MOK: variants seen among roughly 807,000 people sequenced by gnomAD.
MOK encodes MOK protein kinase, also known as MAPK/MAK/MRK overlapping kinase.
MOK carries 59 observed loss-of-function variants against 54.2 expected under a neutral mutation model. The observed-to-expected ratio is 1.09, with a 90% CI of 0.88 to 1.35. The LOEUF is 1.35. Ranked by LOEUF, MOK falls within the 40% of genes most tolerant of loss-of-function variation. The pLI is 0.00. For synonymous variants in MOK, 210 were observed against 202.7 expected (o/e 1.04, Z -0.31); for missense variants, 517 against 526.2 (o/e 0.98, Z 0.17).
chr14:102,292,890 T>C (rs537832345), intron 1 of MOK, among the ~76,000 whole-genome samples: 4 of 152,244 alleles, frequency 2.6e-5, no homozygotes, highest in Non-Finnish European at 5.9e-5. Flanking sequence ...TCCCAGCACT[T>C]TGTGAGGCTG....
intron 4 of MOK, among the ~76,000 whole-genome samples, chr14:102,253,470 C>T (rs1477579048): frequency 2.0e-5 from 3 of 152,250 alleles, no homozygotes. Flanking sequence ...CAGTGTTCCA[C>T]TAGGCTTTCC....
chr14:102,279,863 T>C (rs2069234499), intron 2 of MOK, among the ~76,000 whole-genome samples: 1 of 151,998 alleles, frequency 6.6e-6, no homozygotes, highest in Admixed American at 6.6e-5. Flanking sequence ...CTAAGATTAC[T>C]GCAAAAGCCA....
rs961798593 is a variant in MOK, at chr14:102,249,750, C to G, written c.590+1062G>C. Among the ~76,000 whole-genome samples, 29 of 152,176 alleles carry G rather than the reference C, an allele frequency of 1.9e-4. No homozygotes were observed. Among genetic ancestry groups the G allele is most frequent in the African/African-American group, 6.8e-4 (28 of 41,440 alleles). On this transcript the variant is annotated intron_variant, in intron 7 of 11. Coordinates refer to ENST00000361847, the MANE Select transcript of MOK (RefSeq NM_014226.3). This position sits in a 1 kb window ranked among gnomAD's most constrained non-coding sequence, Gnocchi z 5.3. ...GATTTTAAACCTGTATAAATAAATT[C>G]AATTCATATTACATGCCACAAATAA...
chr14:102,286,339 C>T (rs1167603951), intron 1 of MOK, among the ~76,000 whole-genome samples: 8 of 123,408 alleles, frequency 6.5e-5, no homozygotes, highest in African/African-American at 1.5e-4. Flanking sequence ...GTGCATCCTC[C>T]GGCCGGGCGC....
At chr14:102,267,724 T>C (rs1325878289) in intron 2 of MOK, among the ~76,000 whole-genome samples, 1 of 152,126 alleles carries the variant, frequency 6.6e-6, no homozygotes, top group Non-Finnish European at 1.5e-5. Flanking sequence ...TTCATTTGTA[T>C]CCTGTATTTC....
At position 102,229,000 on chromosome 14, in the gene MOK, T is replaced by C. The variant is rs562117007; in HGVS notation, c.*289A>G. 3.2e-5 allele frequency: 14 copies of C among 439,566 alleles called. No homozygotes were observed. Among genetic ancestry groups the C allele is most frequent in the Admixed American group, 2.0e-4 (5 of 24,804 alleles). 27.2% of individuals were successfully genotyped at this position (439,566 alleles called of 1,614,324 possible). A position where few individuals can be genotyped will look rare whatever the true frequency, so the allele number is the denominator to read the frequency against. ...TCACAGAAATGCCTGCTCGTTTGTT[T>C]TGATTCATATACAAAGTTACAAAGT... On this transcript the variant is annotated 3_prime_UTR_variant, in exon 12 of 12. Transcript: ENST00000361847.
At chr14:102,218,303 G>A in the MOK span, among the ~76,000 whole-genome samples, 10 of 152,122 alleles carry the variant, frequency 6.6e-5, no homozygotes, top group Non-Finnish European at 2.9e-5. Context: ...TCCCACAGCT[G>A]TCTCCTTGAG....
intron 2 of MOK, among the ~76,000 whole-genome samples, chr14:102,275,660 C>T (rs1368979385): frequency 6.6e-6 from 1 of 151,308 alleles, no homozygotes; most frequent in Non-Finnish European, 1.5e-5. Context: ...ACATTCACAA[C>T]CTAGAAGTAG....
At chr14:102,241,963 C>T (rs1000939996) in intron 7 of MOK, among the ~76,000 whole-genome samples, 7 of 152,346 alleles carry the variant, frequency 4.6e-5, no homozygotes, top group Admixed American at 3.3e-4. Context: ...TCCTCCTAAG[C>T]CATGTCCCAT....
intron 2 of MOK, among the ~76,000 whole-genome samples, chr14:102,282,459 G>A (rs2069545707): frequency 6.6e-6 from 1 of 152,082 alleles, no homozygotes; most frequent in Non-Finnish European, 1.5e-5. Context: ...ACACAGCCAG[G>A]CACAGTGGCT....
chr14:102,299,863 A>G (rs1413323741), intron 1 of MOK, among the ~76,000 whole-genome samples: 2 of 152,200 alleles, frequency 1.3e-5, no homozygotes, highest in African/African-American at 4.8e-5. Flanking sequence ...GTTTACAGAC[A>G]TGAGCCACCA....
rs182148347 is a variant in MOK, at chr14:102,297,830, C to A, written c.7+7132G>T. On this transcript the variant is annotated intron_variant, in intron 1 of 11. Coordinates refer to ENST00000361847, the MANE Select transcript of MOK (RefSeq NM_014226.3). Reference sequence around the variant, plus strand: ...GGCAGTGACGGGTTTAGCACCCGGGCCAGCAGCTGCTGAGGGTGCACCGGA... The same window carrying A: ...GGCAGTGACGGGTTTAGCACCCGGGACAGCAGCTGCTGAGGGTGCACCGGA... 5.5e-4 allele frequency among the ~76,000 whole-genome samples: 84 copies of A among 152,320 alleles called. 1 individual carries two copies. Among genetic ancestry groups the A allele is most frequent in the African/African-American group, 2.0e-3 (83 of 41,582 alleles).
chr14:102,304,916 CG>C, intron 1 of MOK, 45 bp downstream of exon 1: 1 of 1,566,314 alleles, frequency 6.4e-7, no homozygotes, highest in Non-Finnish European at 8.7e-7. Context: ...CTCCCTCCCC[CG>C]CCACTCGCTC....
At chr14:102,299,325 C>G (rs547817130) in intron 1 of MOK, among the ~76,000 whole-genome samples, 17 of 152,230 alleles carry the variant, frequency 1.1e-4, no homozygotes, top group Non-Finnish European at 4.4e-5. Flanking sequence ...ACCAACCTGG[C>G]CAACATGGTG....
In MOK at chr14:102,228,941, A is replaced by G. The variant is rs2153078977; in HGVS notation, c.*348T>C. ...CTGACCAGCAGCGCTGGGAAGGGAC[A>G]CGCAGAACCCACCTTCCAACCACGC... On this transcript the variant is annotated 3_prime_UTR_variant, in exon 12 of 12. Transcript: ENST00000361847. 1 of 301,934 alleles carries G rather than the reference A, an allele frequency of 3.3e-6. No individual in the cohort carries two copies. Among genetic ancestry groups the G allele is most frequent in the South Asian group, 7.0e-5 (1 of 14,202 alleles). 18.7% of individuals were successfully genotyped at this position (301,934 alleles called of 1,614,324 possible). A position where few individuals can be genotyped will look rare whatever the true frequency, so the allele number is the denominator to read the frequency against.
chr14:102,279,062 T>C (rs78095466), intron 2 of MOK, among the ~76,000 whole-genome samples: 8,284 of 152,230 alleles, frequency 0.054, 294 homozygotes, highest in African/African-American at 0.1. Context: ...TTGTCCAAGA[T>C]TGCATGAACT....
chr14:102,221,097 G>T (rs1946297889), downstream of MOK, among the ~76,000 whole-genome samples: 2 of 152,198 alleles, frequency 1.3e-5, no homozygotes, highest in South Asian at 4.1e-4. The surrounding 1 kb of genome is among the most constrained non-coding windows in gnomAD (Gnocchi z 4.8). Context: ...ACACAGGACT[G>T]GTAGAGACAC....
intron 4 of MOK, among the ~76,000 whole-genome samples, chr14:102,260,215 G>A (rs1375254399): frequency 3.3e-5 from 5 of 151,258 alleles, no homozygotes; most frequent in African/African-American, 2.4e-5. Context: ...GCATGGTGGC[G>A]TGCTCCTGTA....
At chr14:102,224,037 ATTT>A (rs533802492), downstream of MOK, among the ~76,000 whole-genome samples, 6 of 123,106 alleles carry the variant, frequency 4.9e-5, no homozygotes, top group Non-Finnish European at 6.8e-5. Context: ...TTTACCTGAG[ATTT>A]TTTTTTTTTT....
Sources: allele counts gnomAD v4.1 joint callset (sites outside exome capture counted in the v4.1 genomes callset), GRCh38; gene constraint gnomAD v4.1.1; non-coding constraint Gnocchi (gnomAD v3.1); transcripts MANE v1.5; gene names NCBI Gene and HGNC (gene_info 2026-07-23, HGNC 2026-07-21).